The following ZNF709 variants were observed in gnomAD, a reference collection of about 807,000 sequenced individuals.
ZNF709 encodes the protein zinc finger protein 709.
In ZNF709, 15 loss-of-function variants were observed where a neutral mutation model predicts 10.6. The observed-to-expected ratio is 1.41, with a 90% confidence interval of 0.95 to 2.18. The LOEUF is 2.18. ZNF709 is among the 30% of genes most tolerant of loss of function. ZNF709 has a pLI of 0.00. For synonymous variants in ZNF709, 194 were observed against 238.8 expected, an observed-to-expected ratio of 0.81 and a Z score of 1.73; for missense variants, 589 against 774.0, an observed-to-expected ratio of 0.76 and a Z score of 2.84.
chr19:12,484,710 A>G lies in ZNF709; in HGVS notation c.-53T>C. 3 of 1,613,620 alleles carry G rather than the reference A, an allele frequency of 1.9e-6. No individual in the cohort carries two copies. Among genetic ancestry groups the G allele is most frequent in the Non-Finnish European group, 2.5e-6 (3 of 1,179,730 alleles). On this transcript the variant is annotated 5_prime_UTR_variant, in exon 1 of 4. Transcript: ENST00000397732. The stretch of plus-strand genomic sequence containing the variant: ...TCTGTTTACCTCTCCCGCGGCCAGC[A>G]CAGGTCCTACCTCCACCTGAGGCCC...
Position 12,466,493 on chromosome 19 carries a change from C to T in ZNF709, c.157G>A (p.Glu53Lys). The change falls in exon 3 of 4, where the codon GAA becomes AAA. Residue 53 changes from glutamate to lysine, a missense_variant. Glu to Lys is a moderately conservative substitution (Grantham distance 56). Coordinates refer to ENST00000397732, the MANE Select transcript of ZNF709 (RefSeq NM_152601.4). Reference protein sequence around the residue: ...IGENWEEKNIEDHKNQGRKLR... With the variant: ...IGENWEEKNIKDHKNQGRKLR... ...TTTCTCCCCTGATTTTTGTGATCTT[C>T]AATGTTCTTCTCCTCCCAGTTTTCC... 1 of 1,614,014 alleles carries T rather than the reference C, an allele frequency of 6.2e-7. No homozygotes were observed. Among genetic ancestry groups the T allele is most frequent in the Non-Finnish European group, 8.5e-7 (1 of 1,179,998 alleles).
intron 1 of ZNF709, among the ~76,000 whole-genome samples, chr19:12,476,847 TG>T (rs1170771282): frequency 6.6e-6 from 1 of 152,212 alleles, no homozygotes; most frequent in Non-Finnish European, 1.5e-5. Context: ...ATGGACTTTT[TG>T]TAAGCTCTAT....
chr19:12,466,506 C>T lies in ZNF709; in HGVS notation c.144G>A (p.Glu48=). 2 of 1,614,000 alleles carry T rather than the reference C, an allele frequency of 1.2e-6. No individual in the cohort carries two copies. The highest frequency in any genetic ancestry group is 1.7e-6 in the Non-Finnish European group (2 of 1,179,984). ...TTTTGTGATCTTCAATGTTCTTCTC[C>T]TCCCAGTTTTCCCCTAAAATGCAGG... is the stretch of plus-strand genomic sequence containing the variant. ...VNLASIGENW[E]EKNIEDHKNQ... is the part of the protein sequence containing the mutation. Residue 48 remains glutamate, a synonymous_variant, in exon 3 of 4, where the codon GAG becomes GAA. Coordinates refer to ENST00000397732, the MANE Select transcript of ZNF709 (RefSeq NM_152601.4).
rs768378587 is a variant in ZNF709, at chr19:12,484,701, G to A, written c.-44C>T. On this transcript the variant is annotated 5_prime_UTR_variant, in exon 1 of 4. Transcript: ENST00000397732. ...TCCTGGTGTTCTGTTTACCTCTCCC[G>A]CGGCCAGCACAGGTCCTACCTCCAC... 7 of 1,613,580 alleles carry A rather than the reference G, an allele frequency of 4.3e-6. No homozygotes were observed. Among genetic ancestry groups the A allele is most frequent in the Non-Finnish European group, 5.9e-6 (7 of 1,179,772 alleles).
chr19:12,482,541 C>T (rs949295157), intron 1 of ZNF709, among the ~76,000 whole-genome samples: 1 of 152,104 alleles, frequency 6.6e-6, no homozygotes, highest in Non-Finnish European at 1.5e-5. Context: ...ATCCTGTGTC[C>T]AGGAGACAGA....
chr19:12,470,551 G>A lies in ZNF709; in HGVS notation c.4-3701C>T, dbSNP rs1970626397. On this transcript the variant is annotated intron_variant, in intron 1 of 3. Transcript: ENST00000397732. ...ATAAAAAGTTCACATATGATTCTGT[G>A]GTCTCCAAACATTTGTTGTCCTTCA... Among the ~76,000 whole-genome samples, 2 of 152,130 alleles carry A rather than the reference G, an allele frequency of 1.3e-5. 1 individual carries two copies. Among genetic ancestry groups the A allele is most frequent in the South Asian group, 4.1e-4 (2 of 4,826 alleles).
In ZNF709 at chr19:12,466,727, T is replaced by C. The variant is rs1200304777; in HGVS notation, c.127A>G (p.Ile43Val). Residue 43 changes from isoleucine (I) to valine (V), a missense_variant, in exon 2 of 4, where the codon ATA becomes GTA. Ile to Val is a conservative substitution (Grantham distance 29, BLOSUM62 3). Coordinates refer to ENST00000397732, the MANE Select transcript of ZNF709 (RefSeq NM_152601.4). ...GAGGGAATAATTTCATTCTTACCTA[T>C]AGAGGCCAAGTTAACAAAGGTTTCT... ...MQETFVNLASIGENWEEKNIE... is the reference protein window; with the variant it reads ...MQETFVNLASVGENWEEKNIE... 2.5e-6 allele frequency: 4 copies of C among 1,614,062 alleles called. No individual in the cohort carries two copies. The highest frequency in any genetic ancestry group is 1.1e-5 in the South Asian group (1 of 91,070).
intron 1 of ZNF709, among the ~76,000 whole-genome samples, chr19:12,481,448 C>G (rs927536983): frequency 6.6e-6 from 1 of 151,986 alleles, no homozygotes; most frequent in African/African-American, 2.4e-5. Flanking sequence ...CCAAGTTGGC[C>G]AGGCTGGTCT....
chr19:12,465,660 T>G lies in ZNF709; in HGVS notation c.262A>C (p.Asn88His), dbSNP rs1344980470. ...AAAGTTTTCTTGTTTGGTTTAGGAT[T>G]TGGAGTCTGACTGATGGTTTCTCCA... The part of the protein sequence containing the change: ...QFGETISQTP[N>H]PKPNKKTFTR... The change falls in exon 4 of 4, where the codon AAT becomes CAT. Residue 88 changes from asparagine to histidine, a missense_variant. Asn to His is a moderately conservative substitution (Grantham distance 68). Coordinates refer to ENST00000397732, the MANE Select transcript of ZNF709 (RefSeq NM_152601.4). The G allele has an allele frequency of 7.4e-6, 12 of 1,612,788 alleles. No homozygotes were observed. The highest frequency in any genetic ancestry group is 1.0e-5 in the Non-Finnish European group (12 of 1,179,686).
chr19:12,477,225 G>A (rs1970684389), intron 1 of ZNF709, among the ~76,000 whole-genome samples: 1 of 152,172 alleles, frequency 6.6e-6, no homozygotes, highest in Admixed American at 6.5e-5. Context: ...TTTAAAACGA[G>A]AAGCACGGGG....
chr19:12,483,257 C>G (rs947345514), intron 1 of ZNF709, among the ~76,000 whole-genome samples: 1 of 151,682 alleles, frequency 6.6e-6, no homozygotes, highest in Non-Finnish European at 1.5e-5. Flanking sequence ...CCTCCCGCCT[C>G]GGCCTCCCAA....
chr19:12,478,915 T>C (rs1170782997), intron 1 of ZNF709, among the ~76,000 whole-genome samples: 1 of 152,090 alleles, frequency 6.6e-6, no homozygotes, highest in Non-Finnish European at 1.5e-5. Flanking sequence ...ACATGCAGAG[T>C]CCAACTACTC....
intron 1 of ZNF709, among the ~76,000 whole-genome samples, chr19:12,467,217 C>T (rs1349361833): frequency 2.6e-5 from 4 of 152,226 alleles, no homozygotes; most frequent in East Asian, 1.9e-4. Context: ...GCTGCCATCT[C>T]GGCACACTGC....
At position 12,484,759 on chromosome 19, in the gene ZNF709, G is replaced by A; in HGVS notation, c.-102C>T. The A allele has an allele frequency of 6.5e-7, 1 of 1,528,948 alleles. No individual in the cohort carries two copies. Among genetic ancestry groups the A allele is most frequent in the Non-Finnish European group, 9.0e-7 (1 of 1,105,250 alleles). 94.7% of individuals were successfully genotyped at this position (1,528,948 alleles called of 1,614,324 possible). ...CCTTCCTCCACCTGAGGGCCTTCTG[G>A]GGTGAGGAGACCCCAGAGCGGAGCG... On this transcript the variant is annotated 5_prime_UTR_variant, in exon 1 of 4. Coordinates refer to ENST00000397732, the MANE Select transcript of ZNF709 (RefSeq NM_152601.4).
At chr19:12,474,026 A>C (rs1970657107) in intron 1 of ZNF709, among the ~76,000 whole-genome samples, 1 of 152,248 alleles carries the variant, frequency 6.6e-6, no homozygotes, top group Admixed American at 6.5e-5. Context: ...AGCCTGGATA[A>C]TGGGGCACGA....
chr19:12,477,668 G>A (rs1271245432), intron 1 of ZNF709, among the ~76,000 whole-genome samples: 2 of 152,150 alleles, frequency 1.3e-5, no homozygotes, highest in African/African-American at 2.4e-5. Flanking sequence ...TACATAAGAT[G>A]TTAAAATTAA....
intron 1 of ZNF709, among the ~76,000 whole-genome samples, chr19:12,467,922 G>A (rs1296629905): frequency 1.3e-5 from 2 of 151,900 alleles, no homozygotes; most frequent in African/African-American, 2.4e-5. Flanking sequence ...CACCCCATCC[G>A]GGAGGGAGGT....
chr19:12,475,257 TAAAAAAAAAAA>T (rs71166684), intron 1 of ZNF709, among the ~76,000 whole-genome samples: 2 of 44,732 alleles, frequency 4.5e-5, no homozygotes, highest in South Asian at 9.4e-4. Flanking sequence ...GATTCCGTCT[TAAAAAAAAAAA>T]AAAAAAAAAA....
intron 1 of ZNF709, 72 bp from the exon 2 acceptor site, chr19:12,466,922 A>C: frequency 6.6e-7 from 1 of 1,518,632 alleles, no homozygotes; most frequent in Non-Finnish European, 8.8e-7. Flanking sequence ...TCAGTTCATT[A>C]AAAGTTCATA....
Sources: gnomAD v4.1 joint callset for allele counts (sites outside exome capture counted in the v4.1 genomes callset) on GRCh38, gnomAD v4.1.1 for gene constraint, MANE v1.5 for transcripts, NCBI Gene and HGNC (gene_info 2026-07-23, HGNC 2026-07-21) for gene names.